RCBTB1: variants seen among roughly 807,000 people sequenced by gnomAD.
RCBTB1 encodes the protein RCC1 and BTB domain-containing protein 1.
RCBTB1 carries 46 observed loss-of-function variants against 62.4 expected under a neutral mutation model. The observed-to-expected ratio is 0.74, with a 90% CI of 0.58 to 0.94. The LOEUF is 0.94. Ranked by LOEUF, RCBTB1 falls within the 40% of genes least tolerant of loss-of-function variation. RCBTB1 has a pLI of 0.00. For synonymous variants in RCBTB1, 222 were observed against 245.8 expected (o/e 0.90, Z 0.91); for missense variants, 565 against 654.9 (o/e 0.86, Z 1.50).
Position 49,549,620 on chromosome 13 carries a change from CAG to C in RCBTB1, c.881_882del (p.Ser294CysfsTer57). The C allele has an allele frequency of 1.9e-6, 3 of 1,612,502 alleles. No homozygotes were observed. The highest frequency in any genetic ancestry group is 2.5e-6 in the Non-Finnish European group (3 of 1,179,222). ...TGCGTCTTGGCTGCAGACGTGTGGG[CAG>C]AGTGACAGGCTGCAATCTCTACCAC... ...ERVVEIAACH[S>X]AHTSAAKTQG... is the part of the protein sequence containing the mutation. On this transcript the variant is annotated frameshift_variant, in exon 9 of 13. Transcript: ENST00000378302. LOFTEE classifies it high-confidence loss of function.
intron 2 of RCBTB1, among the ~76,000 whole-genome samples, chr13:49,579,390 G>A (rs11620126): frequency 0.078 from 11,816 of 152,128 alleles, 647 homozygotes; most frequent in East Asian, 0.22. Context: ...TTGGGAGGCC[G>A]AGGCAGGCGG....
rs554778514 is a variant in RCBTB1 at position 49,548,051 on chromosome 13, T to C, written c.1045+1407A>G. Among the ~76,000 whole-genome samples, 3 of 152,098 alleles carry C rather than the reference T, an allele frequency of 2.0e-5. No homozygotes were observed. The East Asian group carries it at 5.9e-4, about 30-fold the overall frequency. On this transcript the variant is annotated intron_variant, in intron 9 of 12. Transcript: ENST00000378302. Reference sequence around the variant, plus strand: ...ACCTTGGCCTCCCAAAGTGCTGAGATTACAGGTGTGAGCCACCACACCCAG... The same window carrying C: ...ACCTTGGCCTCCCAAAGTGCTGAGACTACAGGTGTGAGCCACCACACCCAG...
At chr13:49,534,975 G>A (rs943943565) in intron 12 of RCBTB1, among the ~76,000 whole-genome samples, 9 of 151,788 alleles carry the variant, frequency 5.9e-5, no homozygotes, top group South Asian at 2.1e-4. Context: ...CAGAGGTTGC[G>A]GTGAGCCGAG....
intron 8 of RCBTB1, chr13:49,550,015 G>T (rs1014275452): frequency 3.0e-6 from 2 of 659,762 alleles, no homozygotes; most frequent in Admixed American, 1.3e-4. Context: ...TTTGAGACAG[G>T]ATCTCACTCC....
intron 8 of RCBTB1, 150 bp from the exon 9 acceptor site, chr13:49,549,798 G>A (rs1291561141): frequency 7.0e-7 from 1 of 1,427,888 alleles, no homozygotes; most frequent in East Asian, 2.6e-5. Flanking sequence ...AGCAACAAAA[G>A]CAACAGATCA....
Position 49,534,233 on chromosome 13 carries a change from G to A in RCBTB1, c.1485C>T (p.Cys495=). 1 of 1,613,920 alleles carries A rather than the reference G, an allele frequency of 6.2e-7. No homozygotes were observed. Among genetic ancestry groups the A allele is most frequent in the Non-Finnish European group, 8.5e-7 (1 of 1,179,946 alleles). The change falls in exon 13 of 13, where the codon TGC becomes TGT. Residue 495 remains cysteine (C), a synonymous_variant. Transcript: ENST00000378302. The part of the protein sequence containing the change: ...EDLEEFCFKF[C]INHLTEVTQT... ...GTGTAACTTCTGTCAAATGATTGATGCAAAACTTAAAGCAGAATTCTTCTA... is the reference window on the plus strand; with the variant it reads ...GTGTAACTTCTGTCAAATGATTGATACAAAACTTAAAGCAGAATTCTTCTA...
chr13:49,583,743 T>C lies in RCBTB1; in HGVS notation c.-122+1701A>G, dbSNP rs185007439. Among the ~76,000 whole-genome samples the C allele has an allele frequency of 2.2e-3, 336 of 152,294 alleles. 3 individuals are homozygous for C. The highest frequency in any genetic ancestry group is 7.7e-3 in the African/African-American group (320 of 41,552). On this transcript the variant is annotated intron_variant, in intron 1 of 12. Transcript: ENST00000378302. ...TTGTATTTTTAGTAGAGACGGGGTT[T>C]CACCATGTTGGCCAAGCTGGTCTTG...
intron 9 of RCBTB1, among the ~76,000 whole-genome samples, chr13:49,547,609 A>C (rs1002963926): frequency 5.9e-5 from 9 of 152,260 alleles, no homozygotes; most frequent in Admixed American, 2.6e-4. Context: ...ATGGACTCTT[A>C]AAGAAGACAA....
At chr13:49,535,842 G>A (rs1959897959) in intron 12 of RCBTB1, among the ~76,000 whole-genome samples, 1 of 152,036 alleles carries the variant, frequency 6.6e-6, no homozygotes, top group Non-Finnish European at 1.5e-5. Flanking sequence ...GACCAACATG[G>A]TGAAACCCCG....
chr13:49,581,085 C>G (rs1402872078), intron 1 of RCBTB1, among the ~76,000 whole-genome samples: 3 of 152,138 alleles, frequency 2.0e-5, no homozygotes, highest in African/African-American at 4.8e-5. Context: ...CCAAACAACT[C>G]AGGCTTTATC....
intron 2 of RCBTB1, among the ~76,000 whole-genome samples, chr13:49,570,556 T>G (rs913424254): frequency 6.6e-6 from 1 of 152,232 alleles, no homozygotes; most frequent in Non-Finnish European, 1.5e-5. Flanking sequence ...TTTGCTGTTT[T>G]GAGCCTGGGT....
intron 1 of RCBTB1, among the ~76,000 whole-genome samples, chr13:49,583,746 C>T (rs1211235749): frequency 6.6e-6 from 1 of 152,136 alleles, no homozygotes; most frequent in East Asian, 1.9e-4. Context: ...CGGGGTTTCA[C>T]CATGTTGGCC....
At chr13:49,558,685 ACT>A (rs2139222140) in intron 5 of RCBTB1, among the ~76,000 whole-genome samples, 1 of 126,590 alleles carries the variant, frequency 7.9e-6, no homozygotes, top group South Asian at 2.8e-4. Flanking sequence ...GAAGGGTGAA[ACT>A]CTGTCTCCAA....
chr13:49,578,103 G>A (rs1963893291), intron 2 of RCBTB1, among the ~76,000 whole-genome samples: 1 of 152,190 alleles, frequency 6.6e-6, no homozygotes, highest in African/African-American at 2.4e-5. Context: ...CTCAGTATCT[G>A]TGGGGGACCG....
chr13:49,546,173 T>TC (rs1201186279), intron 9 of RCBTB1: 4 of 985,446 alleles, frequency 4.1e-6, no homozygotes, highest in East Asian at 2.3e-4. Flanking sequence ...CATCAGTGCT[T>TC]CAACTTCTGC....
At chr13:49,577,282 C>CAA (rs930483076) in intron 2 of RCBTB1, among the ~76,000 whole-genome samples, 2 of 152,162 alleles carry the variant, frequency 1.3e-5, no homozygotes, top group African/African-American at 2.4e-5. Context: ...CCCCAAGGAA[C>CAA]AAATATTAAG....
chr13:49,564,499 T>G (rs1357208232), intron 4 of RCBTB1, among the ~76,000 whole-genome samples: 1 of 140,836 alleles, frequency 7.1e-6, no homozygotes, highest in Non-Finnish European at 1.5e-5. Flanking sequence ...GGCAGAAGAA[T>G]CGCTTGAACC....
At chr13:49,552,315 A>AT in intron 6 of RCBTB1, 30 bp from the exon 7 acceptor site, 1 of 1,421,018 alleles carries the variant, frequency 7.0e-7, no homozygotes, top group South Asian at 1.2e-5. Flanking sequence ...AGAGAGTGAG[A>AT]TTTTTAAACT....
chr13:49,582,348 A>C (rs1246719847), intron 1 of RCBTB1, among the ~76,000 whole-genome samples: 9 of 152,260 alleles, frequency 5.9e-5, no homozygotes, highest in African/African-American at 2.2e-4. Flanking sequence ...TTAGCTGGGC[A>C]TAGTGGTGGG....
Sources: gnomAD v4.1 joint callset for allele counts (sites outside exome capture counted in the v4.1 genomes callset) on GRCh38, gnomAD v4.1.1 for gene constraint, MANE v1.5 for transcripts, NCBI Gene and HGNC (gene_info 2026-07-23, HGNC 2026-07-21) for gene names.